The following SATB2 variants were observed in gnomAD, a reference collection of about 807,000 sequenced individuals.
SATB2 encodes SATB homeobox 2.
In SATB2, 1 loss-of-function variant was observed where a neutral mutation model predicts 73.4. The ratio of observed to expected loss-of-function variants is 0.01; its 90% CI spans 0.00 to 0.06. The LOEUF is 0.06. Among genes scored for constraint, SATB2 ranks in the 10% least tolerant of loss-of-function variants. The pLI, the probability that SATB2 is intolerant of heterozygous loss-of-function variation, is 1.00. For missense variants in SATB2, 459 were observed against 945.8 expected (o/e 0.49, Z 6.75); for synonymous variants, 397 against 367.0 (o/e 1.08, Z -0.93).
chr2:199,386,708 GCGCGCGCGCACACACA>G (rs1180530267), intron 3 of SATB2, among the ~76,000 whole-genome samples: 2,145 of 45,730 alleles, frequency 0.047, 29 homozygotes, highest in South Asian at 0.13. Context: ...GCGCGCGCGC[GCGCGCGCGCACACACA>G]CACACACACA....
intron 2 of SATB2, among the ~76,000 whole-genome samples, chr2:199,436,896 C>G (rs993564963): frequency 7.2e-6 from 1 of 138,046 alleles, no homozygotes; most frequent in African/African-American, 2.7e-5. Flanking sequence ...TCGTCCCAGG[C>G]AAAAAGAGGG....
intron 2 of SATB2, among the ~76,000 whole-genome samples, chr2:199,449,436 A>G (rs756440868): frequency 3.7e-4 from 56 of 152,202 alleles, no homozygotes; most frequent in Non-Finnish European, 6.2e-4. Flanking sequence ...CTAGAGTTCC[A>G]TAATTTTGAA....
At chr2:199,324,210 G>T (rs1359977687) in intron 8 of SATB2, among the ~76,000 whole-genome samples, 1 of 152,008 alleles carries the variant, frequency 6.6e-6, no homozygotes, top group East Asian at 1.9e-4. Context: ...AGGTAGGATG[G>T]CTCTCCTAGA....
chr2:199,406,328 T>C (rs1690627280), intron 3 of SATB2, among the ~76,000 whole-genome samples: 1 of 152,224 alleles, frequency 6.6e-6, no homozygotes. Flanking sequence ...TGAAACCTTA[T>C]AGTTTTATAA....
At chr2:199,288,936 T>A (rs543745700) in intron 10 of SATB2, among the ~76,000 whole-genome samples, 1 of 152,310 alleles carries the variant, frequency 6.6e-6, no homozygotes, top group Admixed American at 6.5e-5. Flanking sequence ...CCTGGTGGCT[T>A]AGCTCTTAAA....
chr2:199,285,751 G>C (rs938897029), intron 10 of SATB2, among the ~76,000 whole-genome samples: 1 of 149,314 alleles, frequency 6.7e-6, no homozygotes, highest in Non-Finnish European at 1.5e-5. Context: ...GAGAGAGAAA[G>C]AGAATAAGAA....
At chr2:199,332,526 C>T (rs939161561) in intron 7 of SATB2, among the ~76,000 whole-genome samples, 5 of 152,150 alleles carry the variant, frequency 3.3e-5, no homozygotes, top group Non-Finnish European at 1.5e-5. Flanking sequence ...ATTATAATGC[C>T]ATCTAGCTTG....
chr2:199,436,379 T>C (rs1691651641), intron 2 of SATB2, among the ~76,000 whole-genome samples: 1 of 152,026 alleles, frequency 6.6e-6, no homozygotes, highest in Non-Finnish European at 1.5e-5. Flanking sequence ...CAGTAATGAC[T>C]TCTTACAGAA....
intron 5 of SATB2, among the ~76,000 whole-genome samples, chr2:199,372,155 G>T (rs1480336203): frequency 6.6e-6 from 1 of 152,110 alleles, no homozygotes; most frequent in Non-Finnish European, 1.5e-5. Flanking sequence ...CTTCATTGTA[G>T]TTAATTATGA....
At chr2:199,314,819 C>G (rs573563508) in intron 9 of SATB2, among the ~76,000 whole-genome samples, 6 of 152,112 alleles carry the variant, frequency 3.9e-5, no homozygotes, top group African/African-American at 1.4e-4. Context: ...ATCTTATGGG[C>G]CCTAGGAGTC....
intron 6 of SATB2, among the ~76,000 whole-genome samples, chr2:199,353,578 G>C (rs1688885350): frequency 6.6e-6 from 1 of 152,170 alleles, no homozygotes; most frequent in Admixed American, 6.5e-5. Context: ...TTAAAAAAGA[G>C]AGGGAGTATC....
intron 7 of SATB2, among the ~76,000 whole-genome samples, chr2:199,340,382 G>A (rs1383957708): frequency 2.0e-5 from 3 of 152,112 alleles, no homozygotes; most frequent in Non-Finnish European, 2.9e-5. Flanking sequence ...TTTGATGTAA[G>A]GTTGCAAATT....
intron 3 of SATB2, among the ~76,000 whole-genome samples, chr2:199,408,632 G>GA (rs1329749349): frequency 7.0e-6 from 1 of 142,768 alleles, no homozygotes; most frequent in Non-Finnish European, 1.5e-5. Flanking sequence ...TGAAAGGAGA[G>GA]AAAAGAGACC....
rs896006201 is a variant in SATB2 at position 199,270,247 on chromosome 2, C to T, written c.*1964G>A. On this transcript the variant is annotated 3_prime_UTR_variant, in exon 11 of 11. Transcript: ENST00000417098. The stretch of plus-strand genomic sequence containing the variant: ...TTAAACATCATTATTTGAAAAAGTA[C>T]AGGAAAATGTCCCTTTAAAAACTCC... The T allele has an allele frequency of 6.5e-6, 1 of 152,702 alleles. No individual in the cohort carries two copies. The highest frequency in any genetic ancestry group is 2.4e-5 in the African/African-American group (1 of 41,442). 9.5% of individuals were successfully genotyped at this position (152,702 alleles called of 1,614,324 possible).
intron 10 of SATB2, among the ~76,000 whole-genome samples, chr2:199,275,511 G>A (rs537181828): frequency 6.6e-6 from 1 of 152,174 alleles, no homozygotes; most frequent in South Asian, 2.1e-4. Flanking sequence ...CTGGAAACAT[G>A]TAGCATCTCC....
intron 6 of SATB2, among the ~76,000 whole-genome samples, chr2:199,349,778 A>G (rs948342488): frequency 6.6e-6 from 1 of 152,178 alleles, no homozygotes; most frequent in African/African-American, 2.4e-5. Context: ...CTCAGATAAG[A>G]AAAAAAATCA....
chr2:199,380,034 T>C (rs530910639), intron 5 of SATB2, among the ~76,000 whole-genome samples: 1 of 151,904 alleles, frequency 6.6e-6, no homozygotes, highest in East Asian at 2.0e-4. Context: ...CAGGCACATG[T>C]CACCACGCCC....
chr2:199,363,295 G>T (rs1689190943), intron 6 of SATB2, among the ~76,000 whole-genome samples: 1 of 152,178 alleles, frequency 6.6e-6, no homozygotes, highest in Non-Finnish European at 1.5e-5. Flanking sequence ...ATAAAAGGTG[G>T]CTGACAGTAG....
intron 3 of SATB2, among the ~76,000 whole-genome samples, chr2:199,420,863 T>C (rs543720260): frequency 1.2e-4 from 18 of 152,210 alleles, no homozygotes; most frequent in Non-Finnish European, 2.6e-4. Context: ...TATGAAACAT[T>C]GGTTTCATAA....
Sources: gnomAD v4.1 joint callset for allele counts (sites outside exome capture counted in the v4.1 genomes callset) on GRCh38, gnomAD v4.1.1 for gene constraint, MANE v1.5 for transcripts, NCBI Gene and HGNC (gene_info 2026-07-23, HGNC 2026-07-21) for gene names.